Variants in SLC24A3 observed in about 807,000 individuals in gnomAD.
The protein encoded by SLC24A3 is solute carrier family 24 member 3, also known as sodium/potassium/calcium exchanger 3.
SLC24A3 carries 28 observed loss-of-function variants against 75.8 expected under a neutral mutation model. That is an observed-to-expected ratio of 0.37 (90% CI 0.27 to 0.51). The LOEUF (loss-of-function observed/expected upper bound fraction) is 0.51, where lower values mean the gene tolerates loss of function less well. Ranked by LOEUF, SLC24A3 falls within the 20% of genes least tolerant of loss-of-function variation. SLC24A3 has a pLI of 0.94. For missense variants in SLC24A3, 663 were observed against 847.8 expected, an observed-to-expected ratio of 0.78 and a Z score of 2.71; for synonymous variants, 372 against 334.1, an observed-to-expected ratio of 1.11 and a Z score of -1.24.
chr20:19,456,358 C>G (rs1987577582), intron 2 of SLC24A3, among the ~76,000 whole-genome samples: 2 of 152,068 alleles, frequency 1.3e-5, no homozygotes, highest in Admixed American at 6.6e-5. Flanking sequence ...GCAGTTTCCC[C>G]CATACTGTTC....
intron 3 of SLC24A3, among the ~76,000 whole-genome samples, chr20:19,578,378 T>G (rs149345232): frequency 9.4e-4 from 143 of 152,014 alleles, no homozygotes; most frequent in African/African-American, 3.3e-3. Context: ...TCCCATCTCT[T>G]GGGTCGGCTT....
At chr20:19,382,769 A>G (rs1260609587) in intron 2 of SLC24A3, among the ~76,000 whole-genome samples, 2 of 152,160 alleles carry the variant, frequency 1.3e-5, no homozygotes, top group Non-Finnish European at 2.9e-5. Context: ...GTAAACAAAC[A>G]TGGCATATTG....
Position 19,585,550 on chromosome 20 carries a change from A to C in SLC24A3, c.612+6A>C, listed in dbSNP as rs1263104969. ...GTGGGCTCTTTGCTGGGCAGGTAAG[A>C]CTGGCGGCTTCTTTGTGATGGCAAA... On this transcript the variant is annotated splice_donor_region_variant and intron_variant, in intron 6 of 16. Transcript: ENST00000328041. 1.1e-5 allele frequency: 17 copies of C among 1,612,906 alleles called. No individual in the cohort carries two copies. The highest frequency in any genetic ancestry group is 1.3e-5 in the African/African-American group (1 of 74,832).
At chr20:19,434,880 C>T (rs1987170875) in intron 2 of SLC24A3, among the ~76,000 whole-genome samples, 1 of 152,060 alleles carries the variant, frequency 6.6e-6, no homozygotes, top group Non-Finnish European at 1.5e-5. Flanking sequence ...TGGCATCATA[C>T]AGGGATTCTG....
chr20:19,590,992 T>A (rs1034680137), intron 6 of SLC24A3, among the ~76,000 whole-genome samples: 3 of 152,152 alleles, frequency 2.0e-5, no homozygotes, highest in Non-Finnish European at 4.4e-5. Flanking sequence ...CCTGAGGCTG[T>A]CTCTTGCACT....
chr20:19,712,334 C>A (rs375100272), intron 15 of SLC24A3, among the ~76,000 whole-genome samples: 2 of 151,944 alleles, frequency 1.3e-5, no homozygotes, highest in East Asian at 1.9e-4. Context: ...GAAAAACTCA[C>A]GAGCCAGGCA....
At chr20:19,529,688 A>T (rs895105373) in intron 3 of SLC24A3, among the ~76,000 whole-genome samples, 2 of 152,044 alleles carry the variant, frequency 1.3e-5, no homozygotes, top group African/African-American at 4.8e-5. Context: ...TGGGCCTCAG[A>T]CCTTCCTCCT....
intron 2 of SLC24A3, among the ~76,000 whole-genome samples, chr20:19,328,280 T>C (rs1984916985): frequency 6.6e-6 from 1 of 151,910 alleles, no homozygotes; most frequent in Non-Finnish European, 1.5e-5. Context: ...CTTAGGGTCT[T>C]GGGGGCTGGT....
chr20:19,593,477 C>T (rs1398401511), intron 6 of SLC24A3, among the ~76,000 whole-genome samples: 1 of 152,212 alleles, frequency 6.6e-6, no homozygotes, highest in East Asian at 1.9e-4. Flanking sequence ...CAGTACTTAC[C>T]TTGTGGCAGG....
intron 2 of SLC24A3, among the ~76,000 whole-genome samples, chr20:19,394,393 A>G (rs1460761883): frequency 2.0e-5 from 3 of 152,206 alleles, no homozygotes; most frequent in Non-Finnish European, 4.4e-5. Flanking sequence ...CACCAATTAA[A>G]AAACACTATC....
chr20:19,641,031 T>A (rs2032070303), intron 6 of SLC24A3, among the ~76,000 whole-genome samples: 1 of 152,234 alleles, frequency 6.6e-6, no homozygotes, highest in Non-Finnish European at 1.5e-5. Flanking sequence ...ATTCAGTTTT[T>A]AAAGTGCAGT....
At chr20:19,425,882 G>C (rs13044355) in intron 2 of SLC24A3, among the ~76,000 whole-genome samples, 15 of 152,090 alleles carry the variant, frequency 9.9e-5, no homozygotes, top group African/African-American at 3.4e-4. Context: ...AAGCCAGCTC[G>C]TGTGCCTTGG....
chr20:19,245,647 A>G (rs1982465369), intron 1 of SLC24A3, among the ~76,000 whole-genome samples: 1 of 152,180 alleles, frequency 6.6e-6, no homozygotes, highest in African/African-American at 2.4e-5. Context: ...TAACCAAAAG[A>G]CACCATTGGA....
At position 19,722,918 on chromosome 20, in the gene SLC24A3, A is replaced by AC. The variant is rs1600359077; in HGVS notation, c.*1778_*1779insC. On this transcript the variant is annotated 3_prime_UTR_variant, in exon 17 of 17. Coordinates refer to ENST00000328041, the MANE Select transcript of SLC24A3 (RefSeq NM_020689.4). Reference sequence around the variant, plus strand: ...CTCTATCCTTCCCAGAGCAGAGTGCATTACTTTCTCCCCTGGAAAGCTGTG... The same window carrying AC: ...CTCTATCCTTCCCAGAGCAGAGTGCACTTACTTTCTCCCCTGGAAAGCTGTG... 1 of 152,768 alleles carries AC rather than the reference A, an allele frequency of 6.5e-6. No individual in the cohort carries two copies. Among genetic ancestry groups the AC allele is most frequent in the East Asian group, 1.9e-4 (1 of 5,188 alleles). The allele number at this position is 152,768 out of a possible 1,614,324, so 9.5% of individuals were successfully genotyped here.
chr20:19,412,632 G>T (rs1173785870), intron 2 of SLC24A3, among the ~76,000 whole-genome samples: 5 of 149,750 alleles, frequency 3.3e-5, no homozygotes, highest in Non-Finnish European at 7.4e-5. Context: ...GGAGGAGGAG[G>T]GGGGGAGGAG....
chr20:19,547,619 AT>A (rs2030622524), intron 3 of SLC24A3, among the ~76,000 whole-genome samples: 1 of 152,204 alleles, frequency 6.6e-6, no homozygotes, highest in Admixed American at 6.5e-5. Context: ...CTGCTGTCAT[AT>A]TTCCCTCTCT....
At chr20:19,509,457 G>A (rs894264434) in intron 2 of SLC24A3, among the ~76,000 whole-genome samples, 3 of 152,204 alleles carry the variant, frequency 2.0e-5, no homozygotes, top group Non-Finnish European at 4.4e-5. Context: ...AACCAACTGA[G>A]GCCAAGAAGC....
At chr20:19,298,127 G>C (rs1337383456) in intron 2 of SLC24A3, among the ~76,000 whole-genome samples, 1 of 152,214 alleles carries the variant, frequency 6.6e-6, no homozygotes, top group African/African-American at 2.4e-5. Flanking sequence ...CTTCATTACA[G>C]ACACAGCATC....
chr20:19,323,104 G>C (rs1984751873), intron 2 of SLC24A3, among the ~76,000 whole-genome samples: 1 of 150,680 alleles, frequency 6.6e-6, no homozygotes, highest in African/African-American at 2.5e-5. Flanking sequence ...TACTCGGGAG[G>C]CTGAGGCAGG....
Sources: gnomAD v4.1 joint callset for allele counts (sites outside exome capture counted in the v4.1 genomes callset) on GRCh38, gnomAD v4.1.1 for gene constraint, MANE v1.5 for transcripts, NCBI Gene and HGNC (gene_info 2026-07-23, HGNC 2026-07-21) for gene names.